Variants in HASPIN observed in about 807,000 individuals in gnomAD.
The protein encoded by HASPIN is histone H3 associated protein kinase.
Under a neutral mutation model 28.8 loss-of-function variants are expected in HASPIN, and 24 were observed. The observed-to-expected ratio is 0.83, with a 90% CI of 0.60 to 1.17. The LOEUF (loss-of-function observed/expected upper bound fraction) is 1.17, where lower values mean the gene tolerates loss of function less well. Among genes scored for constraint, HASPIN ranks in the 50% most tolerant of loss-of-function variants. The pLI is 0.00. For missense variants in HASPIN, 1,016 were observed against 1,018.5 expected (o/e 1.00, Z 0.03); for synonymous variants, 440 against 413.1 (o/e 1.07, Z -0.79).
chr17:3,725,600 C>G lies in HASPIN; in HGVS notation c.1665C>G (p.Gly555=). 1 of 1,614,082 alleles carries G rather than the reference C, an allele frequency of 6.2e-7. No homozygotes were observed. The highest frequency in any genetic ancestry group is 8.5e-7 in the Non-Finnish European group (1 of 1,179,944). Residue 555 remains glycine, a synonymous_variant, in exon 1 of 1, where the codon GGC becomes GGG. Transcript: ENST00000325418. ...LSGEVCNRTE[G]FIGLNSVHCV... Reference sequence around the variant, plus strand: ...GTGAAGTGTGCAACCGCACAGAAGGCTTTATCGGGCTGAACTCAGTGCACT... The same window carrying G: ...GTGAAGTGTGCAACCGCACAGAAGGGTTTATCGGGCTGAACTCAGTGCACT...
In HASPIN at chr17:3,725,736, A is replaced by G. The variant is rs555498440; in HGVS notation, c.1801A>G (p.Ile601Val). The change falls in exon 1 of 1, where the codon ATT (isoleucine) becomes GTT (valine). Residue 601 changes from isoleucine (I) to valine (V), a missense_variant. Ile to Val is a conservative substitution (Grantham distance 29). This residue lies in a region of HASPIN where 881 missense variants were observed against 845.5 expected (regional missense o/e 1.04). Coordinates refer to ENST00000325418, the MANE Select transcript of HASPIN (RefSeq NM_031965.2). ...TTTTTTTAAAGACGACCAGCTCTTCATTGTGCTGGAATTTGAGTTTGGAGG... is the reference window on the plus strand; with the variant it reads ...TTTTTTTAAAGACGACCAGCTCTTCGTTGTGCTGGAATTTGAGTTTGGAGG... ...PDFFKDDQLF[I>V]VLEFEFGGID... 14 of 1,580,880 alleles carry G rather than the reference A, an allele frequency of 8.9e-6. No homozygotes were observed. In the East Asian group the frequency reaches 2.7e-4, roughly 30 times the overall value.
At position 3,726,254 on chromosome 17, in the gene HASPIN, A is replaced by G. The variant is rs2051209515; in HGVS notation, c.2319A>G (p.Lys773=). Residue 773 remains lysine, a synonymous_variant, in exon 1 of 1, where the codon AAA becomes AAG. Transcript: ENST00000325418. ...CTGCCATGAAGCAAATTAAGAGAAA[A>G]ATCCAGGAGTTCCACAGGACAATGC... ...NTPAMKQIKR[K]IQEFHRTMLN... 1.2e-6 allele frequency: 2 copies of G among 1,614,114 alleles called. No individual in the cohort carries two copies. The highest frequency in any genetic ancestry group is 2.7e-5 in the African/African-American group (2 of 74,948).
Position 3,724,916 on chromosome 17 carries a change from A to G in HASPIN, c.981A>G (p.Gly327=), listed in dbSNP as rs1252964828. 6.2e-7 allele frequency: 1 copy of G among 1,613,724 alleles called. No individual in the cohort carries two copies. Among genetic ancestry groups the G allele is most frequent in the Admixed American group, 1.7e-5 (1 of 60,018 alleles). Residue 327 remains glycine (G), a synonymous_variant, in exon 1 of 1, where the codon GGA becomes GGG. Coordinates refer to ENST00000325418, the MANE Select transcript of HASPIN (RefSeq NM_031965.2). ...SVPKGRIVPR[G]IDRLERTRSS... ...CCAAGGGCCGCATTGTGCCAAGGGG[A>G]ATAGACAGGCTGGAGAGAACTAGAT...
In HASPIN at chr17:3,726,136, G is replaced by A. The variant is rs373475298; in HGVS notation, c.2201G>A (p.Gly734Asp). 2 of 1,614,196 alleles carry A rather than the reference G, an allele frequency of 1.2e-6. No individual in the cohort carries two copies. The highest frequency in any genetic ancestry group is 1.1e-5 in the South Asian group (1 of 91,084). ...LMKKENNNRW[G>D]EYHPYSNVLW... is the part of the protein sequence containing the mutation. ...AAGAAGGAGAATAACAACCGCTGGGGTGAATATCACCCTTATAGTAATGTG... is the reference window on the plus strand; with the variant it reads ...AAGAAGGAGAATAACAACCGCTGGGATGAATATCACCCTTATAGTAATGTG... Residue 734 changes from glycine to aspartate, a missense_variant, in exon 1 of 1, where the codon GGT (glycine) becomes GAT (aspartate). Gly to Asp is a moderately conservative substitution (Grantham distance 94). Around this residue, in one of 3 missense-constraint regions of HASPIN, gnomAD observed 129 missense variants for 156.2 expected, o/e 0.83. Coordinates refer to ENST00000325418, the MANE Select transcript of HASPIN (RefSeq NM_031965.2).
chr17:3,724,256 A>G lies in HASPIN; in HGVS notation c.321A>G (p.Pro107=). Residue 107 remains proline (P), a synonymous_variant, in exon 1 of 1, where the codon CCA becomes CCG. Transcript: ENST00000325418. ...TPKRWKLRAR[P]SLTVTPRRLG... ...AGCGCTGGAAGCTGCGAGCTCGCCC[A>G]AGCCTAACCGTGACCCCAAGACGCC... is the stretch of plus-strand genomic sequence containing the variant. The G allele has an allele frequency of 6.3e-7, 1 of 1,592,030 alleles. No individual in the cohort carries two copies. The highest frequency in any genetic ancestry group is 8.5e-7 in the Non-Finnish European group (1 of 1,176,652).
At position 3,724,682 on chromosome 17, in the gene HASPIN, G is replaced by T; in HGVS notation, c.747G>T (p.Met249Ile). Reference sequence around the variant, plus strand: ...TCAGGTCAGTTCTCTTTGGCCTTATGAACTCAGGAACCCCTGAGGATTCTG... The same window carrying T: ...TCAGGTCAGTTCTCTTTGGCCTTATTAACTCAGGAACCCCTGAGGATTCTG... ...ASLRSVLFGLMNSGTPEDSEF... is the reference protein window; with the variant it reads ...ASLRSVLFGLINSGTPEDSEF... Residue 249 changes from methionine (M) to isoleucine (I), a missense_variant, in exon 1 of 1, where the codon ATG becomes ATT. Physicochemically the swap from Met to Ile is conservative, Grantham distance 10 (BLOSUM62 1). This residue lies in a region of HASPIN where 881 missense variants were observed against 845.5 expected (regional missense o/e 1.04). Transcript: ENST00000325418. 1.9e-6 allele frequency: 3 copies of T among 1,614,208 alleles called. No homozygotes were observed. The highest frequency in any genetic ancestry group is 1.1e-5 in the South Asian group (1 of 91,078).
Position 3,725,123 on chromosome 17 carries a change from G to A in HASPIN, c.1188G>A (p.Val396=), listed in dbSNP as rs772505829. 5.6e-6 allele frequency: 9 copies of A among 1,614,072 alleles called. No individual in the cohort carries two copies. The South Asian group carries it at 9.9e-5, about 18-fold the overall frequency. ...ASFSFHKKKI[V]TDVSEVCSIY... ...TCAGTTTCCACAAGAAGAAAATTGT[G>A]ACTGATGTGTCAGAGGTCTGCAGCA... is the stretch of plus-strand genomic sequence containing the variant. Residue 396 remains valine (V), a synonymous_variant, in exon 1 of 1, where the codon GTG becomes GTA. Transcript: ENST00000325418.
chr17:3,725,608 G>A lies in HASPIN; in HGVS notation c.1673G>A (p.Gly558Glu). 6.2e-7 allele frequency: 1 copy of A among 1,613,856 alleles called. No individual in the cohort carries two copies. Among genetic ancestry groups the A allele is most frequent in the Non-Finnish European group, 8.5e-7 (1 of 1,179,794 alleles). Residue 558 changes from glycine to glutamate, a missense_variant, in exon 1 of 1, where the codon GGG becomes GAG. Physicochemically the swap from Gly to Glu is moderately conservative, Grantham distance 98. This residue lies in a region of HASPIN where 881 missense variants were observed against 845.5 expected (regional missense o/e 1.04). Coordinates refer to ENST00000325418, the MANE Select transcript of HASPIN (RefSeq NM_031965.2). ...TGCAACCGCACAGAAGGCTTTATCG[G>A]GCTGAACTCAGTGCACTGTGTCCAG... ...EVCNRTEGFI[G>E]LNSVHCVQGS...
At position 3,726,337 on chromosome 17, in the gene HASPIN, A is replaced by T; in HGVS notation, c.*5A>T. On this transcript the variant is annotated 3_prime_UTR_variant, in exon 1 of 1. Coordinates refer to ENST00000325418, the MANE Select transcript of HASPIN (RefSeq NM_031965.2). The stretch of plus-strand genomic sequence containing the variant: ...CAGCACAGTCTGTTTAAGTAAGCTA[A>T]ATGTATCTTACTGCCCCGAAATGAG... 1 of 1,579,726 alleles carries T rather than the reference A, an allele frequency of 6.3e-7. No homozygotes were observed.
In HASPIN at chr17:3,725,895, A is replaced by G; in HGVS notation, c.1960A>G (p.Asn654Asp). The G allele has an allele frequency of 1.2e-6, 2 of 1,612,388 alleles. No individual in the cohort carries two copies. Among genetic ancestry groups the G allele is most frequent in the South Asian group, 2.2e-5 (2 of 91,042 alleles). ...TGAGCACCGAGACTTACACTGGGGG[A>G]ACGTGCTCTTAAAGAAAACCAGCCT... ...RFEHRDLHWGNVLLKKTSLKK... is the reference protein window; with the variant it reads ...RFEHRDLHWGDVLLKKTSLKK... The change falls in exon 1 of 1, where the codon AAC becomes GAC. Residue 654 changes from asparagine to aspartate, a missense_variant. Physicochemically the swap from Asn to Asp is conservative, Grantham distance 23 (BLOSUM62 1). Around this residue, in one of 3 missense-constraint regions of HASPIN, gnomAD observed 881 missense variants for 845.5 expected, o/e 1.04. Transcript: ENST00000325418.
Position 3,725,167 on chromosome 17 carries a change from C to T in HASPIN, c.1232C>T (p.Ser411Phe), listed in dbSNP as rs376264147. The T allele has an allele frequency of 1.1e-5, 17 of 1,614,078 alleles. No individual in the cohort carries two copies. The Admixed American group carries it at 2.7e-4, about 25-fold the overall frequency. The change falls in exon 1 of 1, where the codon TCT becomes TTT. Residue 411 changes from serine (S) to phenylalanine (F), a missense_variant. Ser to Phe is a radical substitution (Grantham distance 155). Coordinates refer to ENST00000325418, the MANE Select transcript of HASPIN (RefSeq NM_031965.2). ...TGCAGCATCTATACCACTGCCACTT[C>T]TCTCTCTGGATCCCTCCTATCAGAA... ...EVCSIYTTAT[S>F]LSGSLLSECS...
chr17:3,725,298 A>C lies in HASPIN; in HGVS notation c.1363A>C (p.Lys455Gln). ...SPLNTLSISNKKASDAEKVYG... is the reference protein window; with the variant it reads ...SPLNTLSISNQKASDAEKVYG... Reference sequence around the variant, plus strand: ...CTTAAACACTCTAAGTATTTCAAACAAAAAGGCATCTGATGCTGAAAAGGT... The same window carrying C: ...CTTAAACACTCTAAGTATTTCAAACCAAAAGGCATCTGATGCTGAAAAGGT... The change falls in exon 1 of 1, where the codon AAA (lysine) becomes CAA (glutamine). Residue 455 changes from lysine (K) to glutamine (Q), a missense_variant. Transcript: ENST00000325418. The C allele has an allele frequency of 1.9e-6, 3 of 1,614,210 alleles. No homozygotes were observed. Among genetic ancestry groups the C allele is most frequent in the Non-Finnish European group, 2.5e-6 (3 of 1,180,042 alleles).
Position 3,724,469 on chromosome 17 carries a change from G to A in HASPIN, c.534G>A (p.Gly178=), listed in dbSNP as rs371347880. 3.7e-6 allele frequency: 6 copies of A among 1,613,732 alleles called. No homozygotes were observed. Among genetic ancestry groups the A allele is most frequent in the African/African-American group, 1.3e-5 (1 of 74,936 alleles). The change falls in exon 1 of 1, where the codon GGG becomes GGA. Residue 178 remains glycine, a synonymous_variant. Coordinates refer to ENST00000325418, the MANE Select transcript of HASPIN (RefSeq NM_031965.2). ...LFSSLASPCP[G]SPTPRDSVIS... ...GCTCTCTGGCCTCGCCCTGCCCCGG[G>A]TCCCCAACGCCAAGGGACAGTGTCA...
chr17:3,725,344 A>G lies in HASPIN; in HGVS notation c.1409A>G (p.Lys470Arg), dbSNP rs1281688481. ...AEKVYGECSQ[K>R]GPVPFSHCLP... ...AAGGTTTATGGGGAATGCAGTCAGA[A>G]GGGTCCTGTCCCCTTTAGCCATTGC... Residue 470 changes from lysine to arginine, a missense_variant, in exon 1 of 1, where the codon AAG (lysine) becomes AGG (arginine). This residue lies in a region of HASPIN where 881 missense variants were observed against 845.5 expected (regional missense o/e 1.04). Coordinates refer to ENST00000325418, the MANE Select transcript of HASPIN (RefSeq NM_031965.2). The G allele has an allele frequency of 6.2e-7, 1 of 1,614,104 alleles. No homozygotes were observed. The highest frequency in any genetic ancestry group is 1.3e-5 in the African/African-American group (1 of 74,942).
chr17:3,724,154 C>CAGCCCGGT lies in HASPIN; in HGVS notation c.220_227dup (p.Arg77AlafsTer3). ...ATCCCGACGACCCCGACTTCCCCGG[C>CAGCCCGGT]AGCCCGGTGAGGCGGCGGCGGAGGC... is the stretch of plus-strand genomic sequence containing the variant. On this transcript the variant is annotated frameshift_variant, in exon 1 of 1. Transcript: ENST00000325418. LOFTEE classifies it low-confidence loss of function (END_TRUNC). The CAGCCCGGT allele has an allele frequency of 6.3e-7, 1 of 1,594,950 alleles. No individual in the cohort carries two copies. Among genetic ancestry groups the CAGCCCGGT allele is most frequent in the South Asian group, 1.1e-5 (1 of 90,600 alleles).
In HASPIN at chr17:3,725,360, T is replaced by C; in HGVS notation, c.1425T>C (p.Phe475=). The C allele has an allele frequency of 6.2e-7, 1 of 1,613,198 alleles. No homozygotes were observed. The highest frequency in any genetic ancestry group is 1.1e-5 in the South Asian group (1 of 91,088). The change falls in exon 1 of 1, where the codon TTT becomes TTC. Residue 475 remains phenylalanine (F), a synonymous_variant. Coordinates refer to ENST00000325418, the MANE Select transcript of HASPIN (RefSeq NM_031965.2). ...GCAGTCAGAAGGGTCCTGTCCCCTT[T>C]AGCCATTGCCTTCCCACAGAAAAAC... ...GECSQKGPVP[F]SHCLPTEKLQ... is the part of the protein sequence containing the mutation.
rs1275210330 is a variant in HASPIN, at chr17:3,724,569, C to A, written c.634C>A (p.Leu212Met). ...PSGLHLPEVS[L>M]DRASLPCSQE... ...CGGCCTCCACCTCCCAGAAGTCTCC[C>A]TGGACCGAGCATCTCTCCCCTGCTC... is the stretch of plus-strand genomic sequence containing the variant. Residue 212 changes from leucine to methionine, a missense_variant, in exon 1 of 1, where the codon CTG (leucine) becomes ATG (methionine). Coordinates refer to ENST00000325418, the MANE Select transcript of HASPIN (RefSeq NM_031965.2). 6.2e-7 allele frequency: 1 copy of A among 1,614,176 alleles called. No individual in the cohort carries two copies. The highest frequency in any genetic ancestry group is 1.1e-5 in the South Asian group (1 of 91,090).
Position 3,723,981 on chromosome 17 carries a change from T to G in HASPIN, c.46T>G (p.Tyr16Asp), listed in dbSNP as rs1260021539. The stretch of plus-strand genomic sequence containing the variant: ...ACCTGGGAGCCGGCTTTTCCGCACA[T>G]ATGGGGCTGCGGACGGCAGGAGACA... ...PGPGSRLFRT[Y>D]GAADGRRQRR... The change falls in exon 1 of 1, where the codon TAT (tyrosine) becomes GAT (aspartate). Residue 16 changes from tyrosine to aspartate, a missense_variant. Transcript: ENST00000325418. The G allele has an allele frequency of 6.3e-7, 1 of 1,592,372 alleles. No homozygotes were observed. Among genetic ancestry groups the G allele is most frequent in the East Asian group, 2.3e-5 (1 of 43,932 alleles).
Position 3,725,331 on chromosome 17 carries a change from G to GA in HASPIN, c.1398dup (p.Cys467MetfsTer10), listed in dbSNP as rs749371761. Reference sequence around the variant, plus strand: ...ATCTGATGCTGAAAAGGTTTATGGGGAATGCAGTCAGAAGGGTCCTGTCCC... The same window carrying GA: ...ATCTGATGCTGAAAAGGTTTATGGGGAAATGCAGTCAGAAGGGTCCTGTCCC... On this transcript the variant is annotated frameshift_variant, in exon 1 of 1. Transcript: ENST00000325418. LOFTEE classifies it high-confidence loss of function. The GA allele has an allele frequency of 1.2e-6, 2 of 1,614,230 alleles. No individual in the cohort carries two copies. Among genetic ancestry groups the GA allele is most frequent in the South Asian group, 2.2e-5 (2 of 91,092 alleles).
Sources: gnomAD v4.1 joint callset for allele counts on GRCh38, gnomAD v4.1.1 for gene constraint, gnomAD v4.1.1 regional missense constraint, MANE v1.5 for transcripts, NCBI Gene and HGNC (gene_info 2026-07-23, HGNC 2026-07-21) for gene names.